Variants in SENP2 observed in about 807,000 individuals in gnomAD.
SENP2 encodes the protein SUMO specific peptidase 2.
In SENP2, 16 loss-of-function variants were observed where a neutral mutation model predicts 86.3. The ratio of observed to expected loss-of-function variants is 0.19; its 90% CI spans 0.13 to 0.28. The LOEUF is 0.28. SENP2 is among the 10% of genes least tolerant of loss of function. The pLI is 1.00. For synonymous variants in SENP2, 222 were observed against 238.7 expected (o/e 0.93, Z 0.64); for missense variants, 552 against 703.0 (o/e 0.79, Z 2.43).
intron 5 of SENP2, among the ~76,000 whole-genome samples, chr3:185,601,575 T>A (rs1197479017): frequency 6.6e-6 from 1 of 152,124 alleles, no homozygotes; most frequent in Non-Finnish European, 1.5e-5. Flanking sequence ...TTTTTATTGC[T>A]TGGACATTAG....
In SENP2 at chr3:185,600,989, G is replaced by A. The variant is rs1182861587; in HGVS notation, c.449+134G>A. 7 of 602,706 alleles carry A rather than the reference G, an allele frequency of 1.2e-5. No individual in the cohort carries two copies. In the East Asian group the frequency reaches 2.0e-4, roughly 18 times the overall value. 37.3% of individuals were successfully genotyped at this position (602,706 alleles called of 1,614,324 possible). On this transcript the variant is annotated intron_variant, in intron 5 of 16. Transcript: ENST00000296257. ...AGGTTAGTAACTTGCTGAATGTCAT[G>A]CAGCCAGTGAGAGACTTGAACTTAG...
chr3:185,623,705 TGGTCCCAGCTACTTG>T (rs1325806293), intron 14 of SENP2, among the ~76,000 whole-genome samples: 1 of 151,292 alleles, frequency 6.6e-6, no homozygotes, highest in Non-Finnish European at 1.5e-5. Context: ...CGTGCTCCTG[TGGTCCCAGCTACTTG>T]GGAGGCTAAG....
chr3:185,609,455 T>G, intron 7 of SENP2, 105 bp downstream of exon 7: 2 of 746,462 alleles, frequency 2.7e-6, no homozygotes, highest in Non-Finnish European at 4.5e-6. Context: ...AGGTTAACCC[T>G]GAGAGAACTA....
intron 2 of SENP2, among the ~76,000 whole-genome samples, chr3:185,595,019 T>A (rs939241628): frequency 4.6e-5 from 7 of 152,134 alleles, no homozygotes; most frequent in Non-Finnish European, 8.8e-5. Context: ...CCACCGTACC[T>A]GGCTCAGGCT....
chr3:185,629,909 G>T lies in SENP2; in HGVS notation c.*65G>T. On this transcript the variant is annotated 3_prime_UTR_variant, in exon 17 of 17. Transcript: ENST00000296257. ...TCACAGACATTTCCATATACCTCATGCATTGTGGGTTAAAAAGTCCCTGCA... is the reference window on the plus strand; with the variant it reads ...TCACAGACATTTCCATATACCTCATTCATTGTGGGTTAAAAAGTCCCTGCA... 1 of 1,506,078 alleles carries T rather than the reference G, an allele frequency of 6.6e-7. No individual in the cohort carries two copies. Among genetic ancestry groups the T allele is most frequent in the Non-Finnish European group, 9.2e-7 (1 of 1,083,238 alleles). 93.3% of individuals were successfully genotyped at this position (1,506,078 alleles called of 1,614,324 possible).
intron 2 of SENP2, among the ~76,000 whole-genome samples, chr3:185,591,487 G>C (rs1721995924): frequency 6.6e-6 from 1 of 151,622 alleles, no homozygotes; most frequent in Non-Finnish European, 1.5e-5. Flanking sequence ...GAGTAGCTGG[G>C]ACTACAGGCG....
intron 5 of SENP2, among the ~76,000 whole-genome samples, chr3:185,605,626 G>T (rs559955105): frequency 2.3e-4 from 34 of 147,086 alleles, no homozygotes; most frequent in Admixed American, 2.0e-3. Flanking sequence ...TTGTAATTTT[G>T]TCTGATATTT....
chr3:185,605,487 T>C (rs976624169), intron 5 of SENP2, among the ~76,000 whole-genome samples: 1 of 152,076 alleles, frequency 6.6e-6, no homozygotes, highest in Non-Finnish European at 1.5e-5. Flanking sequence ...TTTTCTCTTA[T>C]AGCTTTTTCT....
intron 7 of SENP2, among the ~76,000 whole-genome samples, chr3:185,610,309 C>T (rs892245676): frequency 2.6e-5 from 4 of 151,844 alleles, no homozygotes; most frequent in African/African-American, 7.3e-5. Context: ...TACAGGCGTC[C>T]ACCGCCACGC....
At chr3:185,614,827 T>G in intron 11 of SENP2, 87 bp downstream of exon 11, 2 of 1,296,266 alleles carry the variant, frequency 1.5e-6, no homozygotes, top group Non-Finnish European at 2.2e-6. Flanking sequence ...TTTGAGGACT[T>G]TCTCCAGGCT....
chr3:185,629,895 T>G lies in SENP2; in HGVS notation c.*51T>G. The stretch of plus-strand genomic sequence containing the variant: ...TGCTGGTGGTTCTTTCACAGACATT[T>G]CCATATACCTCATGCATTGTGGGTT... On this transcript the variant is annotated 3_prime_UTR_variant, in exon 17 of 17. Transcript: ENST00000296257. 6.5e-7 allele frequency: 1 copy of G among 1,545,966 alleles called. No individual in the cohort carries two copies. The highest frequency in any genetic ancestry group is 8.9e-7 in the Non-Finnish European group (1 of 1,118,218).
intron 15 of SENP2, among the ~76,000 whole-genome samples, chr3:185,624,603 C>T (rs1449914448): frequency 6.6e-6 from 1 of 151,936 alleles, no homozygotes; most frequent in African/African-American, 2.4e-5. Flanking sequence ...GGGCCAGGCG[C>T]GGTGGCTCAC....
rs887410153 is a variant in SENP2 at position 185,631,709 on chromosome 3, A to G, written c.*1865A>G. 2 of 133,650 alleles carry G rather than the reference A, an allele frequency of 1.5e-5. No homozygotes were observed. The highest frequency in any genetic ancestry group is 3.2e-5 in the Non-Finnish European group (2 of 63,454). The allele number at this position is 133,650 out of a possible 1,614,324, so 8.3% of individuals were successfully genotyped here. ...GCACAGCCAAAAAGGCCAGAGGTTCACTAGGTCAGCATCATACCAAACGCC... is the reference window on the plus strand; with the variant it reads ...GCACAGCCAAAAAGGCCAGAGGTTCGCTAGGTCAGCATCATACCAAACGCC... On this transcript the variant is annotated 3_prime_UTR_variant, in exon 17 of 17. Coordinates refer to ENST00000296257, the MANE Select transcript of SENP2 (RefSeq NM_021627.3).
In SENP2 at chr3:185,624,171, C is replaced by T. The variant is rs1265769913; in HGVS notation, c.1611+89C>T. On this transcript the variant is annotated intron_variant, in intron 15 of 16. Coordinates refer to ENST00000296257, the MANE Select transcript of SENP2 (RefSeq NM_021627.3). ...TTTGGCTCCCTTCCTGCCCTTCCTC[C>T]CTCCCTGCATGCTTTTAAAGTACAC... 4 of 784,338 alleles carry T rather than the reference C, an allele frequency of 5.1e-6. 1 individual carries two copies. Among genetic ancestry groups the T allele is most frequent in the Middle Eastern group, 2.3e-4 (1 of 4,256 alleles). The allele number at this position is 784,338 out of a possible 1,614,324, so 48.6% of individuals were successfully genotyped here.
chr3:185,603,642 A>G (rs1722419514), intron 5 of SENP2, among the ~76,000 whole-genome samples: 1 of 152,186 alleles, frequency 6.6e-6, no homozygotes, highest in African/African-American at 2.4e-5. Context: ...ACATTGTACT[A>G]TTGCAAAAGT....
intron 2 of SENP2, among the ~76,000 whole-genome samples, chr3:185,596,331 T>C (rs1370763275): frequency 6.6e-6 from 1 of 152,038 alleles, no homozygotes; most frequent in Non-Finnish European, 1.5e-5. Flanking sequence ...AAAAGCTGCA[T>C]ATTTTAGGCC....
chr3:185,601,930 G>T (rs542615692), intron 5 of SENP2, among the ~76,000 whole-genome samples: 1 of 152,244 alleles, frequency 6.6e-6, no homozygotes, highest in East Asian at 1.9e-4. Context: ...GAGCCACTGC[G>T]TGCGGCCTTC....
chr3:185,589,921 G>A (rs545631152), intron 1 of SENP2, among the ~76,000 whole-genome samples, 193 bp from the exon 2 acceptor site: 6 of 152,132 alleles, frequency 3.9e-5, no homozygotes, highest in Admixed American at 3.3e-4. Flanking sequence ...CTCCCCCTTG[G>A]CCTCCCAAAG....
intron 15 of SENP2, among the ~76,000 whole-genome samples, chr3:185,624,963 G>A (rs2148995610): frequency 6.6e-6 from 1 of 152,194 alleles, no homozygotes; most frequent in East Asian, 1.9e-4. Flanking sequence ...GATGAATACT[G>A]TGTTCTGGTA....
Sources: gnomAD v4.1 joint callset for allele counts (sites outside exome capture counted in the v4.1 genomes callset) on GRCh38, gnomAD v4.1.1 for gene constraint, MANE v1.5 for transcripts, NCBI Gene and HGNC (gene_info 2026-07-23, HGNC 2026-07-21) for gene names.